Variants in ERBB4 observed in about 807,000 individuals in gnomAD.
ERBB4 encodes the protein receptor tyrosine-protein kinase erbB-4.
A neutral mutation model predicts 158.0 loss-of-function variants in ERBB4; 42 were observed. The observed-to-expected ratio is 0.27, with a 90% CI of 0.21 to 0.34. ERBB4 has a LOEUF of 0.34. Among genes scored for constraint, ERBB4 ranks in the 10% least tolerant of loss-of-function variants. ERBB4 has a pLI of 1.00. For missense variants in ERBB4, 1,333 were observed against 1,624.1 expected (o/e 0.82, Z 3.08); for synonymous variants, 583 against 558.7 (o/e 1.04, Z -0.61).
At chr2:212,302,101 T>C (rs1199596103) in intron 1 of ERBB4, among the ~76,000 whole-genome samples, 2 of 151,384 alleles carry the variant, frequency 1.3e-5, no homozygotes, top group African/African-American at 4.8e-5. Flanking sequence ...GGCTGATTGA[T>C]TATGCCATTT....
At chr2:211,916,851 T>C (rs2079707538) in intron 3 of ERBB4, among the ~76,000 whole-genome samples, 1 of 152,212 alleles carries the variant, frequency 6.6e-6, no homozygotes, top group East Asian at 1.9e-4. Flanking sequence ...ATACATATTT[T>C]CTTCTTAAGA....
At chr2:212,488,736 T>G (rs1690112748) in intron 1 of ERBB4, among the ~76,000 whole-genome samples, 1 of 151,826 alleles carries the variant, frequency 6.6e-6, no homozygotes, top group Non-Finnish European at 1.5e-5. Flanking sequence ...TACTCTCTGC[T>G]TATAATTACC....
rs534627090 is a variant in ERBB4, at chr2:211,986,343, T to G, written c.235-38727A>C. 7.2e-5 allele frequency among the ~76,000 whole-genome samples: 11 copies of G among 152,290 alleles called. No individual in the cohort carries two copies. The East Asian group carries it at 1.4e-3, about 19-fold the overall frequency. On this transcript the variant is annotated intron_variant, in intron 2 of 27. Coordinates refer to ENST00000342788, the MANE Select transcript of ERBB4 (RefSeq NM_005235.3). Reference sequence around the variant, plus strand: ...AATGAATATACTATCCAATCATTTTTTGTGTGTGTAGAAGAGGAAAATGAG... The same window carrying G: ...AATGAATATACTATCCAATCATTTTGTGTGTGTGTAGAAGAGGAAAATGAG...
intron 3 of ERBB4, among the ~76,000 whole-genome samples, chr2:211,907,179 A>T (rs924933218): frequency 4.6e-5 from 7 of 151,786 alleles, no homozygotes; most frequent in Non-Finnish European, 2.9e-5. Context: ...TAAATATAAT[A>T]TCTAAGAAAA....
chr2:211,838,018 C>G (rs889829261), intron 3 of ERBB4, among the ~76,000 whole-genome samples: 2 of 151,866 alleles, frequency 1.3e-5, no homozygotes, highest in African/African-American at 4.8e-5. Flanking sequence ...TGCTTGGGTA[C>G]CATCATTCAG....
intron 2 of ERBB4, among the ~76,000 whole-genome samples, chr2:212,088,223 C>G (rs1029063163): frequency 3.9e-5 from 6 of 152,064 alleles, no homozygotes; most frequent in African/African-American, 1.2e-4. Flanking sequence ...GGTTATTGAA[C>G]TGTGTAGTCT....
intron 1 of ERBB4, among the ~76,000 whole-genome samples, chr2:212,495,781 T>C (rs1258238736): frequency 1.3e-5 from 2 of 152,198 alleles, no homozygotes; most frequent in Admixed American, 6.6e-5. Flanking sequence ...AGGTACAGAA[T>C]TGGAAAGTTA....
At chr2:212,100,307 A>ATTTC in intron 2 of ERBB4, among the ~76,000 whole-genome samples, 1 of 152,328 alleles carries the variant, frequency 6.6e-6, no homozygotes, top group Admixed American at 6.5e-5. Flanking sequence ...GACAGGTGAA[A>ATTTC]CAGAAGTAAG....
chr2:211,652,556 C>T (rs918675089), intron 16 of ERBB4, among the ~76,000 whole-genome samples: 8 of 152,162 alleles, frequency 5.3e-5, no homozygotes, highest in Non-Finnish European at 1.2e-4. Context: ...TCATCTCTCT[C>T]ATATATCACA....
intron 1 of ERBB4, among the ~76,000 whole-genome samples, chr2:212,132,049 T>C (rs1276054529): frequency 6.6e-6 from 1 of 152,202 alleles, no homozygotes; most frequent in Non-Finnish European, 1.5e-5. Flanking sequence ...TATTTCCTTA[T>C]CATGAAACAT....
At chr2:211,540,572 TG>T (rs1173406038) in intron 20 of ERBB4, among the ~76,000 whole-genome samples, 14 of 151,854 alleles carry the variant, frequency 9.2e-5, no homozygotes, top group African/African-American at 2.7e-4. Context: ...TGTTTTGTTT[TG>T]TTTTTTTGGA....
rs2077457490 is a variant in ERBB4 at position 211,840,984 on chromosome 2, TA to T, written c.422-52826del. ...TGTATTTTTTCTACATTCCCTAAAC[TA>T]ATGGCATATACCAATATGTGCTTAG... On this transcript the variant is annotated intron_variant, in intron 3 of 27. Transcript: ENST00000342788. 1.3e-5 allele frequency among the ~76,000 whole-genome samples: 2 copies of T among 152,114 alleles called. 1 individual carries two copies. Among genetic ancestry groups the T allele is most frequent in the South Asian group, 4.1e-4 (2 of 4,834 alleles).
intron 1 of ERBB4, among the ~76,000 whole-genome samples, chr2:212,458,074 C>T (rs1688388725): frequency 6.6e-6 from 1 of 152,042 alleles, no homozygotes; most frequent in African/African-American, 2.4e-5. Flanking sequence ...TGATTCCCTA[C>T]TGTTTTTTAA....
chr2:212,370,143 T>G (rs2090036285), intron 1 of ERBB4, among the ~76,000 whole-genome samples: 1 of 151,828 alleles, frequency 6.6e-6, no homozygotes, highest in African/African-American at 2.4e-5. Context: ...ATCATGGGGG[T>G]GGTTTCCTCC....
intron 15 of ERBB4, chr2:211,658,041 C>T (rs567389865): frequency 7.9e-6 from 11 of 1,396,910 alleles, no homozygotes; most frequent in Non-Finnish European, 1.1e-5. Flanking sequence ...AAAAATTAGT[C>T]ATTTAAAAAA....
At chr2:211,630,629 G>A (rs553565515) in intron 16 of ERBB4, 35 bp from the exon 17 acceptor site, 1 of 1,569,788 alleles carries the variant, frequency 6.4e-7, no homozygotes, top group Non-Finnish European at 8.7e-7. Flanking sequence ...AAAATAAAAA[G>A]TATGAAGAGA....
intron 1 of ERBB4, among the ~76,000 whole-genome samples, chr2:212,310,596 CATATA>C (rs1345914184): frequency 7.6e-6 from 1 of 132,402 alleles, no homozygotes; most frequent in Non-Finnish European, 1.6e-5. Context: ...TTTTGAGCTT[CATATA>C]TATGTATATG....
At chr2:211,598,020 G>A (rs2068691470) in intron 19 of ERBB4, among the ~76,000 whole-genome samples, 1 of 152,088 alleles carries the variant, frequency 6.6e-6, no homozygotes, top group Non-Finnish European at 1.5e-5. Flanking sequence ...GAATAAAAGA[G>A]AACTTCAGCT....
chr2:212,004,906 G>A (rs1228741755), intron 2 of ERBB4, among the ~76,000 whole-genome samples: 1 of 151,918 alleles, frequency 6.6e-6, no homozygotes, highest in Non-Finnish European at 1.5e-5. Context: ...AATTATTTCA[G>A]TAAGGTAGGA....
Sources: allele counts gnomAD v4.1 joint callset (sites outside exome capture counted in the v4.1 genomes callset), GRCh38; gene constraint gnomAD v4.1.1; transcripts MANE v1.5; gene names NCBI Gene and HGNC (gene_info 2026-07-23, HGNC 2026-07-21).